The following MSRA variants were observed in gnomAD, a reference collection of about 807,000 sequenced individuals.
The protein encoded by MSRA is methionine sulfoxide reductase A.
A neutral mutation model predicts 31.3 loss-of-function variants in MSRA; 54 were observed. That is an observed-to-expected ratio of 1.73 (90% CI 1.39 to 2.17). The LOEUF (loss-of-function observed/expected upper bound fraction) is 2.17. MSRA is among the 30% of genes most tolerant of loss of function. The pLI, the probability that MSRA is intolerant of heterozygous loss-of-function variation, is 0.00. For synonymous variants in MSRA, 169 were observed against 116.5 expected (o/e 1.45, Z -2.90); for missense variants, 507 against 300.9 (o/e 1.69, Z -5.07).
chr8:10,183,772 CTGGTGGTGGTGGTGGTGGTGG>C (rs144951163), intron 1 of MSRA, among the ~76,000 whole-genome samples: 3 of 142,006 alleles, frequency 2.1e-5, no homozygotes, highest in South Asian at 4.8e-4. Flanking sequence ...ACAAGCTGAG[CTGGTGGTGGTGGTGGTGGTGG>C]TGGTGGTGGT....
chr8:10,207,839 A>T lies in MSRA; in HGVS notation c.149A>T (p.His50Leu). ...RKEQTPVAAKHHVNGNRTVEP... is the reference protein window; with the variant it reads ...RKEQTPVAAKLHVNGNRTVEP... ...TCTTTTTTTTTTTTTCTAGCCAAAC[A>T]TCATGTCAATGGCAACAGAACAGTC... Residue 50 changes from histidine to leucine, a missense_variant, in exon 2 of 6, where the codon CAT becomes CTT. His to Leu is a moderately conservative substitution (Grantham distance 99). Coordinates refer to ENST00000317173, the MANE Select transcript of MSRA (RefSeq NM_012331.5). 1 of 1,609,736 alleles carries T rather than the reference A, an allele frequency of 6.2e-7. No individual in the cohort carries two copies. Among genetic ancestry groups the T allele is most frequent in the Non-Finnish European group, 8.5e-7 (1 of 1,178,390 alleles).
At chr8:10,418,020 G>A (rs1401216764) in intron 5 of MSRA, among the ~76,000 whole-genome samples, 1 of 152,240 alleles carries the variant, frequency 6.6e-6, no homozygotes, top group Non-Finnish European at 1.5e-5. Context: ...GCAGCTTCAA[G>A]TTGACCTCTT....
intron 3 of MSRA, among the ~76,000 whole-genome samples, chr8:10,296,965 C>T (rs990142790): frequency 6.6e-6 from 1 of 152,192 alleles, no homozygotes; most frequent in Non-Finnish European, 1.5e-5. Flanking sequence ...TTGTTCTTGT[C>T]CCAGCAGCCC....
In MSRA at chr8:10,222,607, A is replaced by G. The variant is rs1469044515; in HGVS notation, c.211+14706A>G. ...AGATACAATGTCCATCAGTGGATGC[A>G]TGGATTAAAACCTGCGGTATATATA... On this transcript the variant is annotated intron_variant, in intron 2 of 5. Transcript: ENST00000317173. Among the ~76,000 whole-genome samples the G allele has an allele frequency of 2.0e-5, 3 of 152,354 alleles. No homozygotes were observed. The East Asian group carries it at 5.8e-4, about 29-fold the overall frequency.
chr8:10,333,021 G>T (rs985362103), intron 5 of MSRA, among the ~76,000 whole-genome samples: 5 of 152,300 alleles, frequency 3.3e-5, no homozygotes, highest in Middle Eastern at 3.4e-3. Flanking sequence ...ATCAGAAACA[G>T]CCTAAGATTC....
intron 5 of MSRA, among the ~76,000 whole-genome samples, chr8:10,335,385 C>G (rs887154588): frequency 2.0e-5 from 3 of 151,904 alleles, no homozygotes; most frequent in Non-Finnish European, 1.5e-5. Context: ...GGCCATGCCC[C>G]GTGGCTCCAA....
chr8:10,394,791 G>C (rs1174075396), intron 5 of MSRA, among the ~76,000 whole-genome samples: 2 of 152,224 alleles, frequency 1.3e-5, no homozygotes, highest in East Asian at 3.8e-4. Context: ...AAATGGGAAG[G>C]AGTTGGCTTG....
At chr8:10,195,438 C>T (rs890451276) in intron 1 of MSRA, among the ~76,000 whole-genome samples, 1 of 152,246 alleles carries the variant, frequency 6.6e-6, no homozygotes, top group South Asian at 2.1e-4. Flanking sequence ...ATGGGGGTTC[C>T]CCATGTTGCC....
intron 1 of MSRA, among the ~76,000 whole-genome samples, chr8:10,206,013 T>C (rs975665371): frequency 4.6e-5 from 7 of 152,276 alleles, no homozygotes; most frequent in African/African-American, 1.2e-4. Context: ...GGTAATACTT[T>C]CATAGATATT....
At chr8:10,400,681 G>C (rs1807404745) in intron 5 of MSRA, among the ~76,000 whole-genome samples, 1 of 152,156 alleles carries the variant, frequency 6.6e-6, no homozygotes, top group African/African-American at 2.4e-5. Context: ...ATAATGGGTA[G>C]TGTTAGACAG....
intron 3 of MSRA, among the ~76,000 whole-genome samples, chr8:10,285,901 A>G (rs1799909886): frequency 6.6e-6 from 1 of 152,104 alleles, no homozygotes; most frequent in Non-Finnish European, 1.5e-5. Flanking sequence ...TTATTTCTGT[A>G]TGTGTGACAT....
intron 1 of MSRA, among the ~76,000 whole-genome samples, chr8:10,144,757 C>A (rs188988468): frequency 6.6e-6 from 1 of 151,884 alleles, no homozygotes; most frequent in East Asian, 1.9e-4. Flanking sequence ...TTTCTCTTTG[C>A]CTAAATTATA....
intron 5 of MSRA, among the ~76,000 whole-genome samples, chr8:10,398,027 C>G (rs897467319): frequency 6.6e-6 from 1 of 152,150 alleles, no homozygotes; most frequent in Non-Finnish European, 1.5e-5. Context: ...AGAAGATTGG[C>G]TTTAATTAGA....
intron 3 of MSRA, among the ~76,000 whole-genome samples, chr8:10,281,612 G>T (rs1563304643): frequency 6.6e-6 from 1 of 152,338 alleles, no homozygotes; most frequent in Admixed American, 6.5e-5. Context: ...AAATGCTATC[G>T]ATAAGAAATG....
chr8:10,096,718 A>C (rs903114967), intron 1 of MSRA, among the ~76,000 whole-genome samples: 2 of 152,228 alleles, frequency 1.3e-5, no homozygotes, highest in African/African-American at 4.8e-5. Context: ...ATTTCTGAAC[A>C]ATGAATCTTT....
rs188735985 is a variant in MSRA at position 10,137,153 on chromosome 8, G to C, written c.143-70680G>C. On this transcript the variant is annotated intron_variant, in intron 1 of 5. Transcript: ENST00000317173. The stretch of plus-strand genomic sequence containing the variant: ...AGCTCGTCTGCTTTGCTGGGACGAT[G>C]GGTGGCTCGCCCAGCAAATCATCAT... Among the ~76,000 whole-genome samples, 507 of 152,294 alleles carry C rather than the reference G, an allele frequency of 3.3e-3. 4 individuals carry two copies. The highest frequency in any genetic ancestry group is 0.011 in the African/African-American group (445 of 41,556).
At chr8:10,273,796 CTA>C (rs1227811268) in intron 3 of MSRA, among the ~76,000 whole-genome samples, 1 of 151,870 alleles carries the variant, frequency 6.6e-6, no homozygotes, top group Non-Finnish European at 1.5e-5. Flanking sequence ...GCAACACAAA[CTA>C]TTCCAATTAC....
At chr8:10,148,999 C>G (rs2129035387) in intron 1 of MSRA, among the ~76,000 whole-genome samples, 1 of 150,558 alleles carries the variant, frequency 6.6e-6, no homozygotes, top group Non-Finnish European at 1.5e-5. Context: ...CTCTGTCGCC[C>G]AGGCTGGGTG....
chr8:10,060,316 G>C (rs1257441368), intron 1 of MSRA, among the ~76,000 whole-genome samples: 1 of 152,074 alleles, frequency 6.6e-6, no homozygotes, highest in Non-Finnish European at 1.5e-5. Flanking sequence ...GGGTATGGAG[G>C]GATTGCCAAG....
Sources: gnomAD v4.1 joint callset for allele counts (sites outside exome capture counted in the v4.1 genomes callset) on GRCh38, gnomAD v4.1.1 for gene constraint, MANE v1.5 for transcripts, NCBI Gene and HGNC (gene_info 2026-07-23, HGNC 2026-07-21) for gene names.